URB1: variants seen among roughly 807,000 people sequenced by gnomAD.
URB1 encodes the protein URB1 ribosome biogenesis factor.
URB1 carries 197 observed loss-of-function variants against 242.3 expected under a neutral mutation model. The observed-to-expected ratio is 0.81, with a 90% confidence interval of 0.72 to 0.91. URB1 has a LOEUF of 0.91. Among genes scored for constraint, URB1 ranks in the 40% least tolerant of loss-of-function variants. URB1 has a pLI of 0.00. For synonymous variants in URB1, 1,153 were observed against 1,201.8 expected (o/e 0.96, Z 0.84); for missense variants, 2,721 against 2,860.5 (o/e 0.95, Z 1.11).
chr21:32,343,637 A>C (rs1486212356), intron 24 of URB1, among the ~76,000 whole-genome samples: 2 of 152,198 alleles, frequency 1.3e-5, no homozygotes, highest in Admixed American at 1.3e-4. Flanking sequence ...TATATTTCAA[A>C]ATATGTAAAC....
chr21:32,391,223 CGGGGGGA>C (rs1555843666), intron 1 of URB1, among the ~76,000 whole-genome samples: 1 of 29,060 alleles, frequency 3.4e-5, no homozygotes, highest in South Asian at 1.6e-3. Context: ...GTTGTCGGGT[CGGGGGGA>C]GGGGGGAGGG....
chr21:32,315,915 C>T (rs1273624394), intron 38 of URB1, among the ~76,000 whole-genome samples: 1 of 152,202 alleles, frequency 6.6e-6, no homozygotes, highest in African/African-American at 2.4e-5. Flanking sequence ...CTCTGGGTTA[C>T]CACACCCACC....
At chr21:32,388,791 ACT>A (rs1229537246) in intron 1 of URB1, among the ~76,000 whole-genome samples, 1 of 152,128 alleles carries the variant, frequency 6.6e-6, no homozygotes, top group African/African-American at 2.4e-5. Flanking sequence ...CTAGCATGTA[ACT>A]CTGAGCATTC....
intron 32 of URB1, among the ~76,000 whole-genome samples, chr21:32,322,837 T>C (rs1601121152): frequency 6.6e-6 from 1 of 152,198 alleles, no homozygotes. Context: ...CCTCGCACCC[T>C]CCGCCTCCCC....
intron 7 of URB1, 77 bp from the exon 8 acceptor site, chr21:32,372,708 C>A: frequency 7.0e-7 from 1 of 1,428,884 alleles, no homozygotes; most frequent in Admixed American, 2.9e-5. Context: ...AAAACAAGGA[C>A]AATATTAACT....
chr21:32,341,495 G>C lies in URB1; in HGVS notation c.4287C>G (p.Asp1429Glu). Residue 1429 changes from aspartate to glutamate, a missense_variant, in exon 25 of 39, where the codon GAC (aspartate) becomes GAG (glutamate). Asp to Glu is a conservative substitution (Grantham distance 45, BLOSUM62 2). Coordinates refer to ENST00000382751, the MANE Select transcript of URB1 (RefSeq NM_014825.3). ...LHALNEVDPG[D>E]WQKFVKKGLK... ...GTCCCTTCTTCACGAATTTCTGCCA[G>C]TCACCAGGATCAACTTCATTAAGTG... 1 of 1,551,524 alleles carries C rather than the reference G, an allele frequency of 6.4e-7. No individual in the cohort carries two copies. The highest frequency in any genetic ancestry group is 1.2e-5 in the South Asian group (1 of 84,062).
rs116642019 is a variant in URB1 at position 32,338,744 on chromosome 21, C to T, written c.4473G>A (p.Thr1491=). The T allele has an allele frequency of 2.3e-3, 3,503 of 1,551,580 alleles. 66 individuals are homozygous for T. The African/African-American group carries it at 0.041, about 18-fold the overall frequency. Reference sequence around the variant, plus strand: ...TGTCCGGGCTCTCCTCTCCGTCAGACGTCAGTAGAGTCGGCAGAAACAGCG... The same window carrying T: ...TGTCCGGGCTCTCCTCTCCGTCAGATGTCAGTAGAGTCGGCAGAAACAGCG... ...QHSLFLPTLL[T]SDGEESPDSQ... is the part of the protein sequence containing the mutation. The change falls in exon 26 of 39, where the codon ACG becomes ACA. Residue 1491 remains threonine, a synonymous_variant. Coordinates refer to ENST00000382751, the MANE Select transcript of URB1 (RefSeq NM_014825.3).
rs143946563 is a variant in URB1 at position 32,364,439 on chromosome 21, C to G, written c.1336-1110G>C. Among the ~76,000 whole-genome samples, 1,020 of 152,286 alleles carry G rather than the reference C, an allele frequency of 6.7e-3. 10 individuals are homozygous for G. Among genetic ancestry groups the G allele is most frequent in the Middle Eastern group, 0.024 (7 of 294 alleles). On this transcript the variant is annotated intron_variant, in intron 10 of 38. Transcript: ENST00000382751. ...GCTGGGACACTGCAGACTGACAGTG[C>G]GGTAGAAACAAAGAGCTTTTCTGGT... is the stretch of plus-strand genomic sequence containing the variant.
intron 25 of URB1, among the ~76,000 whole-genome samples, chr21:32,340,581 C>T (rs1480502991): frequency 6.6e-6 from 1 of 152,180 alleles, no homozygotes; most frequent in African/African-American, 2.4e-5. Flanking sequence ...CCATTGTACT[C>T]CAGTCTGGGC....
At chr21:32,355,138 C>CCTAA in intron 16 of URB1, 141 bp from the exon 17 acceptor site, 1 of 1,175,006 alleles carries the variant, frequency 8.5e-7, no homozygotes, top group Non-Finnish European at 1.2e-6. Flanking sequence ...TGAAATTGGG[C>CCTAA]CTAAACTTTT....
chr21:32,333,227 G>A lies in URB1; in HGVS notation c.4960+90C>T, dbSNP rs551150813. 3.2e-4 allele frequency: 332 copies of A among 1,022,846 alleles called. 5 individuals carry two copies. Among genetic ancestry groups the A allele is most frequent in the East Asian group, 2.3e-3 (89 of 38,450 alleles). The allele number at this position is 1,022,846 out of a possible 1,614,324, so 63.4% of individuals were successfully genotyped here. A position where few individuals can be genotyped will look rare whatever the true frequency, so the allele number is the denominator to read the frequency against. ...TTATTTCCAAGATTCAGGTCCTCAT[G>A]TGGTAATTATGGCAATAATTACCAT... On this transcript the variant is annotated intron_variant, in intron 30 of 38. Coordinates refer to ENST00000382751, the MANE Select transcript of URB1 (RefSeq NM_014825.3).
chr21:32,321,557 A>G (rs940612998), intron 34 of URB1, among the ~76,000 whole-genome samples: 2 of 152,190 alleles, frequency 1.3e-5, no homozygotes, highest in Admixed American at 1.3e-4. Flanking sequence ...GTTGCAGTGA[A>G]GAGTATTTAG....
At chr21:32,320,407 G>T in intron 35 of URB1, 124 bp downstream of exon 35, 1 of 730,812 alleles carries the variant, frequency 1.4e-6, no homozygotes, top group Non-Finnish European at 2.2e-6. Context: ...GGAGGACACT[G>T]CATTTCAGAG....
At chr21:32,355,965 C>T (rs1176006016) in intron 15 of URB1, among the ~76,000 whole-genome samples, 3 of 152,208 alleles carry the variant, frequency 2.0e-5, no homozygotes, top group Admixed American at 2.0e-4. Flanking sequence ...TCCAGCACCA[C>T]ACGCCCAAGG....
chr21:32,322,980 G>A lies in URB1; in HGVS notation c.5234-396C>T, dbSNP rs4599199. Reference sequence around the variant, plus strand: ...CTCTAGCTTCTAACTGAAAGGAACCGTCACAGCGGGGGAGGCTCAGACACT... The same window carrying A: ...CTCTAGCTTCTAACTGAAAGGAACCATCACAGCGGGGGAGGCTCAGACACT... On this transcript the variant is annotated intron_variant, in intron 32 of 38. Coordinates refer to ENST00000382751, the MANE Select transcript of URB1 (RefSeq NM_014825.3). Among the ~76,000 whole-genome samples, 803 of 152,302 alleles carry A rather than the reference G, an allele frequency of 5.3e-3. 11 individuals carry two copies. The highest frequency in any genetic ancestry group is 0.018 in the African/African-American group (751 of 41,556).
chr21:32,358,178 A>T (rs971361693), intron 14 of URB1, among the ~76,000 whole-genome samples: 3 of 152,174 alleles, frequency 2.0e-5, no homozygotes, highest in Non-Finnish European at 2.9e-5. Context: ...CCTGTGCTGG[A>T]GCCGTCCCAG....
At chr21:32,365,447 T>C (rs898739133) in intron 10 of URB1, among the ~76,000 whole-genome samples, 15 of 150,306 alleles carry the variant, frequency 1.0e-4, no homozygotes, top group African/African-American at 3.7e-4. Context: ...CAAGACCCTG[T>C]CTCAAAAAAG....
At chr21:32,350,295 ATGG>A (rs1478285540) in intron 20 of URB1, among the ~76,000 whole-genome samples, 1 of 152,094 alleles carries the variant, frequency 6.6e-6, no homozygotes, top group Non-Finnish European at 1.5e-5. Flanking sequence ...TTAGCTGGGA[ATGG>A]TGGTGCATGC....
At chr21:32,341,598 A>C in intron 24 of URB1, 74 bp from the exon 25 acceptor site, 5 of 1,412,746 alleles carry the variant, frequency 3.5e-6, no homozygotes, top group Non-Finnish European at 4.9e-6. Context: ...CCAGCTGCAG[A>C]GCCTTCAGAA....
Sources: gnomAD v4.1 joint callset for allele counts (sites outside exome capture counted in the v4.1 genomes callset) on GRCh38, gnomAD v4.1.1 for gene constraint, MANE v1.5 for transcripts, NCBI Gene and HGNC (gene_info 2026-07-23, HGNC 2026-07-21) for gene names.